FHIT: variants seen among roughly 807,000 people sequenced by gnomAD.
The protein encoded by FHIT is fragile histidine triad diadenosine triphosphatase.
FHIT carries 19 observed loss-of-function variants against 17.9 expected under a neutral mutation model. That is an observed-to-expected ratio of 1.06 (90% CI 0.74 to 1.56). The LOEUF (loss-of-function observed/expected upper bound fraction) is 1.56, where lower values mean the gene tolerates loss of function less well. Among genes scored for constraint, FHIT ranks in the 40% most tolerant of loss-of-function variants. FHIT has a pLI of 0.00. For missense variants in FHIT, 248 were observed against 189.2 expected (o/e 1.31, Z -1.82); for synonymous variants, 81 against 69.7 (o/e 1.16, Z -0.81).
intron 2 of FHIT, among the ~76,000 whole-genome samples, chr3:61,172,750 C>T (rs1880218): frequency 0.095 from 11,984 of 126,074 alleles, 1,129 homozygotes; most frequent in East Asian, 0.46. Flanking sequence ...CTTAAATCCA[C>T]GTGCCTAGAA....
Position 60,071,666 on chromosome 3 carries a change from T to C in FHIT, c.104-57514A>G, listed in dbSNP as rs146917129. 2.8e-4 allele frequency among the ~76,000 whole-genome samples: 43 copies of C among 152,292 alleles called. No individual in the cohort carries two copies. In the East Asian group the frequency reaches 5.4e-3, roughly 19 times the overall value. On this transcript the variant is annotated intron_variant, in intron 5 of 9. Coordinates refer to ENST00000492590, the MANE Select transcript of FHIT (RefSeq NM_002012.4). ...CAAAATGCTCAAAAGGGGGACAGAATTGTCTGCCCAGACTTAAGGCTGGGG... is the reference window on the plus strand; with the variant it reads ...CAAAATGCTCAAAAGGGGGACAGAACTGTCTGCCCAGACTTAAGGCTGGGG...
chr3:60,486,166 T>C (rs1368400046), intron 5 of FHIT, among the ~76,000 whole-genome samples: 5 of 152,166 alleles, frequency 3.3e-5, no homozygotes, highest in African/African-American at 7.2e-5. Context: ...TGATAGAGGA[T>C]ACAGTAAATA....
chr3:60,871,265 A>G (rs1042979904), intron 3 of FHIT, among the ~76,000 whole-genome samples: 7 of 152,154 alleles, frequency 4.6e-5, no homozygotes, highest in Non-Finnish European at 1.0e-4. Flanking sequence ...GTGAAACTAT[A>G]GAGAGCTTTA....
At chr3:60,000,444 G>C (rs1699684357) in intron 7 of FHIT, among the ~76,000 whole-genome samples, 1 of 152,142 alleles carries the variant, frequency 6.6e-6, no homozygotes, top group South Asian at 2.1e-4. Context: ...TTATGACAAA[G>C]ACCATCTGGC....
chr3:59,952,861 T>C (rs570012924), intron 7 of FHIT, among the ~76,000 whole-genome samples: 1 of 152,220 alleles, frequency 6.6e-6, no homozygotes, highest in East Asian at 1.9e-4. Flanking sequence ...GCTCCCCTTG[T>C]GGACAGCTGT....
intron 5 of FHIT, among the ~76,000 whole-genome samples, chr3:60,342,304 T>C (rs1710561644): frequency 6.6e-6 from 1 of 152,218 alleles, no homozygotes; most frequent in Non-Finnish European, 1.5e-5. Context: ...AGCTGATCAC[T>C]CAATAGGATT....
At chr3:60,819,840 G>A (rs1701864786) in intron 4 of FHIT, among the ~76,000 whole-genome samples, 1 of 152,136 alleles carries the variant, frequency 6.6e-6, no homozygotes, top group South Asian at 2.1e-4. Flanking sequence ...AGGGGTTTTG[G>A]AGACATCAGG....
chr3:60,167,570 A>C (rs1262435784), intron 5 of FHIT, among the ~76,000 whole-genome samples: 1 of 152,182 alleles, frequency 6.6e-6, no homozygotes, highest in Non-Finnish European at 1.5e-5. Context: ...AATAATTGTG[A>C]AGGAAGATGC....
intron 8 of FHIT, among the ~76,000 whole-genome samples, chr3:59,854,025 C>G (rs1702049976): frequency 6.6e-6 from 1 of 150,908 alleles, no homozygotes; most frequent in African/African-American, 2.4e-5. Flanking sequence ...GAACAGACTT[C>G]TAAAAAAAAC....
chr3:60,023,027 T>C lies in FHIT; in HGVS notation c.104-8875A>G, dbSNP rs576320687. 1.7e-3 allele frequency among the ~76,000 whole-genome samples: 254 copies of C among 152,288 alleles called. 1 individual carries two copies. In the Middle Eastern group the frequency reaches 0.02, roughly 12 times the overall value. On this transcript the variant is annotated intron_variant, in intron 5 of 9. Transcript: ENST00000492590. ...GTCACTCGAAAGAGTCTGTCCACAA[T>C]GTGTAAACATGAGAATGGGAACACA...
intron 5 of FHIT, among the ~76,000 whole-genome samples, chr3:60,134,341 A>G (rs17379551): frequency 0.39 from 59,440 of 152,028 alleles, 12,833 homozygotes; most frequent in Middle Eastern, 0.51. Context: ...AGATAATCCA[A>G]TGGGGCAGGT....
intron 8 of FHIT, among the ~76,000 whole-genome samples, chr3:59,858,259 T>C (rs1192919390): frequency 7.3e-6 from 1 of 137,196 alleles, no homozygotes; most frequent in Non-Finnish European, 1.6e-5. Flanking sequence ...TTTTTTTTTT[T>C]TTGAGATGGA....
chr3:59,987,884 A>G (rs75298633), intron 7 of FHIT, among the ~76,000 whole-genome samples: 1,615 of 152,194 alleles, frequency 0.011, 32 homozygotes, highest in African/African-American at 0.036. Flanking sequence ...TCTATTTCCT[A>G]TATCAAGAAG....
At chr3:61,153,137 C>T (rs1344276027) in intron 2 of FHIT, among the ~76,000 whole-genome samples, 4 of 118,016 alleles carry the variant, frequency 3.4e-5, no homozygotes, top group African/African-American at 1.3e-4. Flanking sequence ...AGCAAGACTC[C>T]ATCTCAAAAA....
At chr3:60,217,084 T>C (rs151334004) in intron 5 of FHIT, among the ~76,000 whole-genome samples, 12 of 152,340 alleles carry the variant, frequency 7.9e-5, no homozygotes, top group African/African-American at 2.9e-4. Context: ...GCATGTTGAA[T>C]AATTTTCTTT....
At chr3:60,568,519 G>C (rs1162820668) in intron 4 of FHIT, among the ~76,000 whole-genome samples, 2 of 151,848 alleles carry the variant, frequency 1.3e-5, no homozygotes, top group Non-Finnish European at 2.9e-5. Context: ...ATCACGAGTT[G>C]ATGGGTGCAG....
chr3:61,035,823 C>T (rs2033210727), intron 3 of FHIT, among the ~76,000 whole-genome samples: 1 of 152,146 alleles, frequency 6.6e-6, no homozygotes, highest in Admixed American at 6.5e-5. Flanking sequence ...CCTGCTTTTA[C>T]TCTAGTTAGT....
At chr3:60,516,735 T>C (rs919799735) in intron 5 of FHIT, among the ~76,000 whole-genome samples, 3 of 152,184 alleles carry the variant, frequency 2.0e-5, no homozygotes, top group Admixed American at 6.5e-5. Flanking sequence ...GATGAATAAA[T>C]AAAATGACCT....
chr3:60,689,343 AT>A (rs2040934766), intron 4 of FHIT, among the ~76,000 whole-genome samples: 1 of 152,200 alleles, frequency 6.6e-6, no homozygotes, highest in Non-Finnish European at 1.5e-5. Flanking sequence ...AATGGCATCT[AT>A]ACTGAATATG....
Sources: allele counts gnomAD v4.1 joint callset (sites outside exome capture counted in the v4.1 genomes callset), GRCh38; gene constraint gnomAD v4.1.1; transcripts MANE v1.5; gene names NCBI Gene and HGNC (gene_info 2026-07-23, HGNC 2026-07-21).